PCBP3: variants seen among roughly 807,000 people sequenced by gnomAD.
The protein encoded by PCBP3 is poly(rC)-binding protein 3.
In PCBP3, 25 loss-of-function variants were observed where a neutral mutation model predicts 52.7. The ratio of observed to expected loss-of-function variants is 0.47; its 90% CI spans 0.35 to 0.66. The LOEUF (loss-of-function observed/expected upper bound fraction) is 0.66. Among genes scored for constraint, PCBP3 ranks in the 30% least tolerant of loss-of-function variants. PCBP3 has a pLI of 0.01. For missense variants in PCBP3, 391 were observed against 490.3 expected (o/e 0.80, Z 1.91); for synonymous variants, 162 against 183.0 (o/e 0.89, Z 0.93).
At chr21:45,651,651 T>C (rs1335681163) in intron 1 of PCBP3, among the ~76,000 whole-genome samples, 1 of 152,238 alleles carries the variant, frequency 6.6e-6, no homozygotes, top group Non-Finnish European at 1.5e-5. Context: ...GCTAGACATT[T>C]ATGTTGCTTT....
chr21:45,785,508 G>A lies in PCBP3; in HGVS notation c.-126+30056G>A, dbSNP rs1375850857. Among the ~76,000 whole-genome samples the A allele has an allele frequency of 1.3e-4, 10 of 74,648 alleles. 1 individual carries two copies. The highest frequency in any genetic ancestry group is 6.7e-4 in the African/African-American group (7 of 10,460). The allele number at this position is 74,648 out of a possible 152,430, so 49.0% of individuals were successfully genotyped here. A position where few individuals can be genotyped will look rare whatever the true frequency, so the allele number is the denominator to read the frequency against. On this transcript the variant is annotated intron_variant, in intron 4 of 17. Transcript: ENST00000681687. The stretch of plus-strand genomic sequence containing the variant: ...CCTGGCCAGCCGCCCCGTCCGGGAG[G>A]GGGGGGGGTCAGCCCCCCGCCCGGC...
chr21:45,720,272 A>G lies in PCBP3; in HGVS notation c.-199-15120A>G, dbSNP rs573886005. On this transcript the variant is annotated intron_variant, in intron 2 of 17. Coordinates refer to ENST00000681687, the MANE Select transcript of PCBP3 (RefSeq NM_001384156.1). ...GTGTGATGTTCCCCTCCCTGTGCCT[A>G]TATGTTCTCATTGTTCAACTCCCAC... Among the ~76,000 whole-genome samples, 10 of 150,260 alleles carry G rather than the reference A, an allele frequency of 6.7e-5. No homozygotes were observed. The East Asian group carries it at 1.4e-3, about 21-fold the overall frequency.
At chr21:45,665,237 A>G (rs1430659458) in intron 1 of PCBP3, among the ~76,000 whole-genome samples, 2 of 151,944 alleles carry the variant, frequency 1.3e-5, no homozygotes, top group Non-Finnish European at 2.9e-5. Flanking sequence ...CCCCATATCT[A>G]CAAAAAAATA....
At chr21:45,722,946 G>C (rs759340885) in intron 2 of PCBP3, among the ~76,000 whole-genome samples, 23 of 152,030 alleles carry the variant, frequency 1.5e-4, no homozygotes, top group Non-Finnish European at 2.2e-4. Flanking sequence ...CCCGGGAGGT[G>C]GAGGTTGCAG....
chr21:45,908,909 T>G (rs1167133853), intron 9 of PCBP3, among the ~76,000 whole-genome samples: 1 of 152,148 alleles, frequency 6.6e-6, no homozygotes, highest in African/African-American at 2.4e-5. Flanking sequence ...GGAGCCATTC[T>G]CTGCCCCCGT....
intron 1 of PCBP3, among the ~76,000 whole-genome samples, chr21:45,657,281 T>C (rs1408221638): frequency 6.6e-6 from 1 of 152,216 alleles, no homozygotes; most frequent in Non-Finnish European, 1.5e-5. Flanking sequence ...CTAAGGGTTT[T>C]ATAGTTTTAG....
intron 2 of PCBP3, among the ~76,000 whole-genome samples, chr21:45,694,258 A>G (rs2082642448): frequency 1.3e-5 from 2 of 152,194 alleles, no homozygotes; most frequent in South Asian, 4.1e-4. Flanking sequence ...ATTGAATGCA[A>G]ATAGATTAAA....
intron 1 of PCBP3, among the ~76,000 whole-genome samples, chr21:45,655,266 A>C (rs750561205): frequency 1.3e-5 from 2 of 151,872 alleles, no homozygotes; most frequent in Non-Finnish European, 2.9e-5. Flanking sequence ...TAACTTTTTG[A>C]ATAACTGCCA....
At position 45,735,098 on chromosome 21, in the gene PCBP3, C is replaced by G. The variant is rs991489351; in HGVS notation, c.-199-294C>G. 1.3e-5 allele frequency among the ~76,000 whole-genome samples: 2 copies of G among 152,176 alleles called. No homozygotes were observed. Among genetic ancestry groups the G allele is most frequent in the Admixed American group, 6.5e-5 (1 of 15,276 alleles). On this transcript the variant is annotated intron_variant, in intron 2 of 17. Coordinates refer to ENST00000681687, the MANE Select transcript of PCBP3 (RefSeq NM_001384156.1). This position sits in a 1 kb window ranked among gnomAD's most constrained non-coding sequence, Gnocchi z 4.0. ...ATTTGAGAATCAGCTGTGCCCCAGA[C>G]GTCAGTCAGGCCGAGGACTGTGGGT...
At chr21:45,761,832 G>C (rs1218711790) in intron 4 of PCBP3, 3 of 152,296 alleles carry the variant, frequency 2.0e-5, no homozygotes, top group Non-Finnish European at 1.5e-5. Context: ...CCTTGACCTG[G>C]AGCAGACACC....
chr21:45,766,695 C>G (rs941774521), intron 4 of PCBP3, among the ~76,000 whole-genome samples: 2 of 152,190 alleles, frequency 1.3e-5, no homozygotes, highest in African/African-American at 4.8e-5. Context: ...ACAGATGTCC[C>G]CGTCACTCAT....
At chr21:45,897,972 C>G (rs6518259) in intron 6 of PCBP3, among the ~76,000 whole-genome samples, 122,521 of 152,152 alleles carry the variant, frequency 0.81, 50,143 homozygotes, top group East Asian at 1. Context: ...GAGGAGGCTG[C>G]CGGAGGCTCT....
At chr21:45,685,371 T>C (rs1953518468) in intron 2 of PCBP3, among the ~76,000 whole-genome samples, 1 of 152,186 alleles carries the variant, frequency 6.6e-6, no homozygotes, top group African/African-American at 2.4e-5. Flanking sequence ...GCCACTTAAC[T>C]GTACACTTGA....
At chr21:45,720,913 T>C (rs2084584792) in intron 2 of PCBP3, among the ~76,000 whole-genome samples, 1 of 152,236 alleles carries the variant, frequency 6.6e-6, no homozygotes, top group Admixed American at 6.5e-5. Flanking sequence ...AGAATATTAC[T>C]TATTCTCTCC....
At chr21:45,757,638 A>T (rs1353441143) in intron 4 of PCBP3, among the ~76,000 whole-genome samples, 1 of 152,180 alleles carries the variant, frequency 6.6e-6, no homozygotes, top group Non-Finnish European at 1.5e-5. Flanking sequence ...TTTTCCTCTA[A>T]GAAGTTTGTA....
chr21:45,941,904 G>A lies in PCBP3; in HGVS notation c.*198G>A, dbSNP rs2077500081. 2.3e-6 allele frequency: 1 copy of A among 436,126 alleles called. No homozygotes were observed. Among genetic ancestry groups the A allele is most frequent in the Non-Finnish European group, 4.0e-6 (1 of 247,732 alleles). 27.0% of individuals were successfully genotyped at this position (436,126 alleles called of 1,614,324 possible). A position where few individuals can be genotyped will look rare whatever the true frequency, so the allele number is the denominator to read the frequency against. ...CTACAGAGGCTGCAGGCTCCGCCGA[G>A]TCCCCCCTCAGTGTTATTTTATTTA... On this transcript the variant is annotated 3_prime_UTR_variant, in exon 18 of 18. Transcript: ENST00000681687.
chr21:45,878,558 C>T (rs542438497), intron 5 of PCBP3, among the ~76,000 whole-genome samples: 2 of 152,326 alleles, frequency 1.3e-5, no homozygotes, highest in South Asian at 4.1e-4. Context: ...TTGATGGCCC[C>T]CAGGTCCCAG....
chr21:45,700,242 C>A (rs1050112896), intron 2 of PCBP3, among the ~76,000 whole-genome samples: 1 of 152,166 alleles, frequency 6.6e-6, no homozygotes, highest in African/African-American at 2.4e-5. Context: ...CAATGATGCC[C>A]TTAGGCCCTG....
intron 5 of PCBP3, among the ~76,000 whole-genome samples, chr21:45,856,480 G>T (rs1475900394): frequency 6.6e-6 from 1 of 152,204 alleles, no homozygotes; most frequent in Non-Finnish European, 1.5e-5. Context: ...GGAGGTGTTT[G>T]GGTCATGGGT....
Sources: allele counts gnomAD v4.1 joint callset (sites outside exome capture counted in the v4.1 genomes callset), GRCh38; gene constraint gnomAD v4.1.1; non-coding constraint Gnocchi (gnomAD v3.1); transcripts MANE v1.5; gene names NCBI Gene and HGNC (gene_info 2026-07-23, HGNC 2026-07-21).